XYLB: variants seen among roughly 807,000 people sequenced by gnomAD.
XYLB encodes xylulose kinase.
XYLB carries 62 observed loss-of-function variants against 78.7 expected under a neutral mutation model. That is an observed-to-expected ratio of 0.79 (90% CI 0.64 to 0.97). XYLB has a LOEUF of 0.97. Among genes scored for constraint, XYLB ranks in the 50% least tolerant of loss-of-function variants. The pLI, the probability that XYLB is intolerant of heterozygous loss-of-function variation, is 0.00. For missense variants in XYLB, 687 were observed against 676.8 expected, an observed-to-expected ratio of 1.02 and a Z score of -0.17; for synonymous variants, 245 against 247.4, an observed-to-expected ratio of 0.99 and a Z score of 0.09.
At position 38,379,327 on chromosome 3, in the gene XYLB, C is replaced by T. The variant is rs1441335579; in HGVS notation, c.1276C>T (p.Leu426=). The T allele has an allele frequency of 6.2e-7, 1 of 1,614,066 alleles. No individual in the cohort carries two copies. Among genetic ancestry groups the T allele is most frequent in the Non-Finnish European group, 8.5e-7 (1 of 1,180,004 alleles). Residue 426 remains leucine (L), a synonymous_variant, in exon 15 of 19, where the codon CTG becomes TTG. Transcript: ENST00000207870. Reference sequence around the variant, plus strand: ...GGCCAAGAGGATTCACGCAGAAGGCCTGGGCTATCGAGTCAGTAAGTGAGC... The same window carrying T: ...GGCCAAGAGGATTCACGCAGAAGGCTTGGGCTATCGAGTCAGTAAGTGAGC... ...FMAKRIHAEG[L]GYRVMSKTKI...
intron 15 of XYLB, among the ~76,000 whole-genome samples, chr3:38,386,747 A>G (rs1707398416): frequency 6.6e-6 from 1 of 152,212 alleles, no homozygotes; most frequent in Non-Finnish European, 1.5e-5. Context: ...TGACTAAAGG[A>G]TGTCTTCCGG....
chr3:38,447,061 A>G, the XYLB span, among the ~76,000 whole-genome samples: 1 of 152,218 alleles, frequency 6.6e-6, no homozygotes, highest in Admixed American at 6.5e-5. Flanking sequence ...AGGAACTCAA[A>G]CAACTGAACA....
At chr3:38,435,190 A>T in the XYLB span, among the ~76,000 whole-genome samples, 1 of 152,166 alleles carries the variant, frequency 6.6e-6, no homozygotes, top group East Asian at 1.9e-4. Context: ...CAGGAAATTC[A>T]CCTTATCAGT....
At chr3:38,360,257 C>A in intron 2 of XYLB, 82 bp from the exon 3 acceptor site, 1 of 1,303,592 alleles carries the variant, frequency 7.7e-7, no homozygotes, top group South Asian at 1.2e-5. Context: ...TTTCCAGAGT[C>A]ATCCACCATA....
At chr3:38,381,850 C>CGGTCCTGT (rs1177554467) in intron 15 of XYLB, among the ~76,000 whole-genome samples, 1 of 152,194 alleles carries the variant, frequency 6.6e-6, no homozygotes, top group African/African-American at 2.4e-5. Flanking sequence ...AATTTCACCT[C>CGGTCCTGT]GGTCCTGTGG....
chr3:38,389,638 G>A lies in XYLB; in HGVS notation c.1292-5867G>A, dbSNP rs1707566055. Among the ~76,000 whole-genome samples, 5 of 152,246 alleles carry A rather than the reference G, an allele frequency of 3.3e-5. No homozygotes were observed. The South Asian group carries it at 1.0e-3, about 32-fold the overall frequency. ...CCGGGTTTTTTTTTGTTTAATCAGG[G>A]GTTGGATCAGTACTAGTTAGTTTTA... is the stretch of plus-strand genomic sequence containing the variant. On this transcript the variant is annotated intron_variant, in intron 15 of 18. Coordinates refer to ENST00000207870, the MANE Select transcript of XYLB (RefSeq NM_005108.4).
the XYLB span, among the ~76,000 whole-genome samples, chr3:38,438,746 G>C: frequency 7.9e-5 from 12 of 152,196 alleles, no homozygotes; most frequent in African/African-American, 2.7e-4. Context: ...GGTTGCTGCT[G>C]CTGGCTGGGG....
intron 2 of XYLB, chr3:38,357,119 T>A (rs1705697705): frequency 6.6e-6 from 1 of 152,220 alleles, no homozygotes; most frequent in East Asian, 1.9e-4. Flanking sequence ...ACTTCTAGCC[T>A]CCAGAACTGT....
the XYLB span, among the ~76,000 whole-genome samples, chr3:38,434,187 G>C: frequency 0.025 from 3,840 of 152,296 alleles, 167 homozygotes; most frequent in African/African-American, 0.086. Context: ...TCCTGCCTTT[G>C]ACATGTGGGG....
downstream of XYLB, among the ~76,000 whole-genome samples, chr3:38,422,448 A>G (rs1370761666): frequency 6.6e-6 from 1 of 152,242 alleles, no homozygotes; most frequent in East Asian, 1.9e-4. Context: ...CCTACCTGTG[A>G]AATAACTATT....
At chr3:38,451,946 C>T in the XYLB span, 2 of 152,224 alleles carry the variant, frequency 1.3e-5, no homozygotes, top group African/African-American at 2.4e-5. Flanking sequence ...TGATACCTGA[C>T]CTGGTATGGA....
At chr3:38,351,343 C>G (rs13088419) in intron 2 of XYLB, among the ~76,000 whole-genome samples, 2 of 151,946 alleles carry the variant, frequency 1.3e-5, no homozygotes, top group African/African-American at 2.4e-5. Context: ...CCCTCACTCT[C>G]TCTTCCACTT....
Position 38,365,211 on chromosome 3 carries a change from A to T in XYLB, c.304A>T (p.Ile102Leu), listed in dbSNP as rs1421429245. ...GGTTTCCCAACAGCAACACGGAAGT[A>T]TATACTGGAAGGCTGGAGCCCAGCA... Reference protein sequence around the residue: ...LSGAGQQHGSIYWKAGAQQAL... With the variant: ...LSGAGQQHGSLYWKAGAQQAL... Residue 102 changes from isoleucine (I) to leucine (L), a missense_variant, in exon 5 of 19, where the codon ATA becomes TTA. Ile to Leu is a conservative substitution (Grantham distance 5). Transcript: ENST00000207870. The T allele has an allele frequency of 6.2e-7, 1 of 1,614,096 alleles. No individual in the cohort carries two copies. The highest frequency in any genetic ancestry group is 1.1e-5 in the South Asian group (1 of 91,082).
chr3:38,432,394 C>G, the XYLB span, among the ~76,000 whole-genome samples: 1 of 151,958 alleles, frequency 6.6e-6, no homozygotes, highest in East Asian at 1.9e-4. Context: ...TGGTGAAATC[C>G]CATCTCTACT....
intron 18 of XYLB, among the ~76,000 whole-genome samples, chr3:38,411,693 T>C (rs369955639): frequency 2.0e-5 from 3 of 152,078 alleles, no homozygotes; most frequent in African/African-American, 7.2e-5. Context: ...AATTTGACCT[T>C]TGGTTAACTT....
exon 18 of XYLB, among the ~76,000 whole-genome samples, chr3:38,420,167 T>A (rs181341649): frequency 6.6e-6 from 1 of 152,332 alleles, no homozygotes; most frequent in East Asian, 1.9e-4. Flanking sequence ...TTTATTAAAT[T>A]CACTTACTAG....
chr3:38,432,432 C>T, the XYLB span, among the ~76,000 whole-genome samples: 28 of 151,914 alleles, frequency 1.8e-4, no homozygotes, highest in Admixed American at 3.3e-4. Flanking sequence ...CTGGGCATGG[C>T]GGTGTGTGCC....
intron 3 of XYLB, 116 bp from the exon 4 acceptor site, chr3:38,362,818 TTCA>T: frequency 1.4e-6 from 1 of 730,762 alleles, no homozygotes. Context: ...CATGAGTTTC[TTCA>T]TCATCTGCCC....
At chr3:38,428,679 A>G in the XYLB span, among the ~76,000 whole-genome samples, 1 of 152,132 alleles carries the variant, frequency 6.6e-6, no homozygotes, top group African/African-American at 2.4e-5. Flanking sequence ...TCTTTAAATC[A>G]TTTAAATTTT....
Sources: gnomAD v4.1 joint callset for allele counts (sites outside exome capture counted in the v4.1 genomes callset) on GRCh38, gnomAD v4.1.1 for gene constraint, MANE v1.5 for transcripts, NCBI Gene and HGNC (gene_info 2026-07-23, HGNC 2026-07-21) for gene names.